Variants in SNTB1 observed in about 807,000 individuals in gnomAD.
The protein encoded by SNTB1 is syntrophin beta 1.
A neutral mutation model predicts 48.9 loss-of-function variants in SNTB1; 36 were observed. The observed-to-expected ratio is 0.74, with a 90% CI of 0.56 to 0.97. The LOEUF is 0.97. Among genes scored for constraint, SNTB1 ranks in the 50% least tolerant of loss-of-function variants. The pLI is 0.00. For synonymous variants in SNTB1, 299 were observed against 294.6 expected, an observed-to-expected ratio of 1.01 and a Z score of -0.15; for missense variants, 786 against 703.4, an observed-to-expected ratio of 1.12 and a Z score of -1.33.
At chr8:120,642,172 CT>C (rs1194300341) in intron 2 of SNTB1, among the ~76,000 whole-genome samples, 1 of 152,146 alleles carries the variant, frequency 6.6e-6, no homozygotes, top group Non-Finnish European at 1.5e-5. Context: ...GTTTGCCAGG[CT>C]TCCCAATGGC....
chr8:120,788,501 C>T (rs765247125), intron 1 of SNTB1, among the ~76,000 whole-genome samples: 11 of 151,988 alleles, frequency 7.2e-5, no homozygotes, highest in Non-Finnish European at 1.5e-4. Flanking sequence ...ATACAACTAA[C>T]ATGTAAGGAA....
At chr8:120,578,979 C>T (rs1389041100) in intron 3 of SNTB1, among the ~76,000 whole-genome samples, 1 of 152,066 alleles carries the variant, frequency 6.6e-6, no homozygotes, top group Non-Finnish European at 1.5e-5. Context: ...GAGTTTGAGA[C>T]CAGGCTGGCC....
intron 1 of SNTB1, among the ~76,000 whole-genome samples, chr8:120,805,376 T>C (rs1333354485): frequency 6.6e-6 from 1 of 152,144 alleles, no homozygotes; most frequent in Admixed American, 6.5e-5. Context: ...GGTGTGTTTC[T>C]TAGTGACCAA....
At chr8:120,679,082 G>T (rs984716892) in intron 2 of SNTB1, among the ~76,000 whole-genome samples, 30 of 152,330 alleles carry the variant, frequency 2.0e-4, no homozygotes, top group Admixed American at 1.5e-3. Flanking sequence ...CCCACTGGGT[G>T]CTAGGTCCTG....
At chr8:120,576,786 T>C (rs1453689523) in intron 3 of SNTB1, among the ~76,000 whole-genome samples, 1 of 152,198 alleles carries the variant, frequency 6.6e-6, no homozygotes, top group African/African-American at 2.4e-5. Flanking sequence ...ATAGTACCTA[T>C]AGCAGAGGGT....
intron 1 of SNTB1, 94 bp downstream of exon 1, chr8:120,811,178 CA>C: frequency 6.8e-7 from 1 of 1,479,770 alleles, no homozygotes; most frequent in Non-Finnish European, 8.9e-7. Flanking sequence ...GGTGTGTCCG[CA>C]TGTGGCCGAG....
chr8:120,694,336 A>G (rs563978705), intron 1 of SNTB1, among the ~76,000 whole-genome samples: 35 of 152,278 alleles, frequency 2.3e-4, no homozygotes, highest in African/African-American at 6.3e-4. Flanking sequence ...TTGAGAAACA[A>G]TCATAGGGTT....
chr8:120,682,695 T>C (rs1188227753), intron 2 of SNTB1, among the ~76,000 whole-genome samples: 4 of 152,112 alleles, frequency 2.6e-5, no homozygotes, highest in Non-Finnish European at 5.9e-5. Context: ...CTGACATGTA[T>C]GTAGGTGGGT....
At chr8:120,574,045 A>C (rs1241193338) in intron 4 of SNTB1, among the ~76,000 whole-genome samples, 5 of 152,264 alleles carry the variant, frequency 3.3e-5, no homozygotes, top group Admixed American at 1.3e-4. Context: ...GCCTTAAAAA[A>C]GAAATTCTCC....
intron 3 of SNTB1, among the ~76,000 whole-genome samples, chr8:120,625,021 G>A (rs775375442): frequency 6.6e-6 from 1 of 152,164 alleles, no homozygotes; most frequent in Admixed American, 6.5e-5. Context: ...TCTAGTGCCT[G>A]AGGCAGCCCT....
chr8:120,587,569 G>C (rs1816168316), intron 3 of SNTB1, among the ~76,000 whole-genome samples: 1 of 152,228 alleles, frequency 6.6e-6, no homozygotes, highest in South Asian at 2.1e-4. Context: ...GTGTTCAACA[G>C]ATTCTTGCTG....
chr8:120,782,874 T>C (rs1356464354), intron 1 of SNTB1, among the ~76,000 whole-genome samples: 1 of 152,208 alleles, frequency 6.6e-6, no homozygotes, highest in East Asian at 1.9e-4. Context: ...CTTTTGCTTT[T>C]TCACTCAGAA....
At chr8:120,810,626 T>C (rs1294769714) in intron 1 of SNTB1, among the ~76,000 whole-genome samples, 3 of 152,170 alleles carry the variant, frequency 2.0e-5, no homozygotes, top group Non-Finnish European at 4.4e-5. Context: ...GAGCGAATTT[T>C]TCCCAAAACT....
intron 1 of SNTB1, among the ~76,000 whole-genome samples, chr8:120,785,065 G>A (rs980584479): frequency 1.3e-5 from 2 of 152,190 alleles, no homozygotes; most frequent in African/African-American, 4.8e-5. Flanking sequence ...CAGGGATGGA[G>A]GGAAACCGTT....
chr8:120,580,616 A>G (rs1229891524), intron 3 of SNTB1, among the ~76,000 whole-genome samples: 1 of 152,204 alleles, frequency 6.6e-6, no homozygotes, highest in Non-Finnish European at 1.5e-5. Flanking sequence ...TGGCTTTTGT[A>G]TTGCAGATCG....
At chr8:120,682,381 C>T (rs1817945453) in intron 2 of SNTB1, among the ~76,000 whole-genome samples, 1 of 150,812 alleles carries the variant, frequency 6.6e-6, no homozygotes, top group Admixed American at 6.6e-5. Context: ...GTTATGAGTG[C>T]CACCAGGCAG....
At position 120,537,138 on chromosome 8, in the gene SNTB1, A is replaced by AC. The variant is rs1376696001; in HGVS notation, c.*1738_*1739insG. 9.0e-6 allele frequency: 1 copy of AC among 111,468 alleles called. No homozygotes were observed. Among genetic ancestry groups the AC allele is most frequent in the Non-Finnish European group, 1.7e-5 (1 of 59,788 alleles). 6.9% of individuals were successfully genotyped at this position (111,468 alleles called of 1,614,324 possible). ...ATCCTAAAGCTGTGTTTTCTAAAGC[A>AC]TTAAAAAAAAAAAACAAATAACAAC... On this transcript the variant is annotated 3_prime_UTR_variant, in exon 7 of 7. Coordinates refer to ENST00000517992, the MANE Select transcript of SNTB1 (RefSeq NM_021021.4).
intron 4 of SNTB1, among the ~76,000 whole-genome samples, chr8:120,550,863 G>GCA (rs1459732527): frequency 6.6e-6 from 1 of 152,192 alleles, no homozygotes; most frequent in African/African-American, 2.4e-5. Flanking sequence ...TCTACAAGGA[G>GCA]CAAAAATGTA....
intron 3 of SNTB1, among the ~76,000 whole-genome samples, chr8:120,605,138 G>A (rs1816493240): frequency 6.6e-6 from 1 of 152,210 alleles, no homozygotes; most frequent in South Asian, 2.1e-4. Flanking sequence ...CCGAGTGGAT[G>A]ATGTATAAGC....
Sources: allele counts gnomAD v4.1 joint callset (sites outside exome capture counted in the v4.1 genomes callset), GRCh38; gene constraint gnomAD v4.1.1; transcripts MANE v1.5; gene names NCBI Gene and HGNC (gene_info 2026-07-23, HGNC 2026-07-21).